NTRK3: variants seen among roughly 807,000 people sequenced by gnomAD.
The protein encoded by NTRK3 is NT-3 growth factor receptor.
In NTRK3, 24 loss-of-function variants were observed where a neutral mutation model predicts 91.7. That is an observed-to-expected ratio of 0.26 (90% CI 0.19 to 0.37). The LOEUF (loss-of-function observed/expected upper bound fraction) is 0.37. Ranked by LOEUF, NTRK3 falls within the 10% of genes least tolerant of loss-of-function variation. NTRK3 has a pLI of 1.00. For synonymous variants in NTRK3, 483 were observed against 404.0 expected (o/e 1.20, Z -2.34); for missense variants, 880 against 1,068.9 (o/e 0.82, Z 2.46).
intron 13 of NTRK3, among the ~76,000 whole-genome samples, chr15:88,070,916 G>A (rs1184979422): frequency 6.6e-6 from 1 of 152,148 alleles, no homozygotes; most frequent in African/African-American, 2.4e-5. Flanking sequence ...AGGAGGAGGA[G>A]AAGGAAGATT....
At chr15:87,937,915 G>C (rs1371721566) in intron 15 of NTRK3, among the ~76,000 whole-genome samples, 3 of 151,548 alleles carry the variant, frequency 2.0e-5, no homozygotes, top group Non-Finnish European at 4.4e-5. Context: ...AAGAATTCAT[G>C]AATCAGAAGA....
rs536321875 is a variant in NTRK3 at position 88,149,876 on chromosome 15, T to A, written c.396-2473A>T. 2.0e-5 allele frequency among the ~76,000 whole-genome samples: 3 copies of A among 152,370 alleles called. No homozygotes were observed. The East Asian group carries it at 5.8e-4, about 29-fold the overall frequency. ...AATCTAAGTGTTTGATTCATCTAGG[T>A]AGAAATCTTCTGTTTTGCTCTATTT... On this transcript the variant is annotated intron_variant, in intron 5 of 18. Coordinates refer to ENST00000394480, the Ensembl canonical transcript of NTRK3.
intron 13 of NTRK3, among the ~76,000 whole-genome samples, chr15:88,109,808 C>G (rs1384508889): frequency 6.6e-6 from 1 of 152,124 alleles, no homozygotes; most frequent in Admixed American, 6.5e-5. Flanking sequence ...CCATGCGATT[C>G]TACCATAAAA....
intron 14 of NTRK3, among the ~76,000 whole-genome samples, chr15:87,959,417 G>C (rs528031758): frequency 1.3e-5 from 2 of 152,096 alleles, no homozygotes; most frequent in African/African-American, 4.8e-5. Flanking sequence ...AACATCAAGC[G>C]AGAGCTGGAG....
chr15:88,177,233 A>T (rs2046083613), intron 5 of NTRK3, among the ~76,000 whole-genome samples: 1 of 152,188 alleles, frequency 6.6e-6, no homozygotes, highest in South Asian at 2.1e-4. Context: ...GTAACGCAAG[A>T]AGTAATTGGA....
chr15:88,089,855 T>A (rs1456699749), intron 13 of NTRK3, among the ~76,000 whole-genome samples: 1 of 152,076 alleles, frequency 6.6e-6, no homozygotes, highest in Non-Finnish European at 1.5e-5. Context: ...CTCCACAGTC[T>A]CCCCACCTGC....
rs185748219 is a variant in NTRK3, at chr15:88,117,282, A to G, written c.1396+8989T>C. Among the ~76,000 whole-genome samples the G allele has an allele frequency of 2.5e-3, 380 of 152,334 alleles. 1 individual carries two copies. The highest frequency in any genetic ancestry group is 4.3e-3 in the Non-Finnish European group (290 of 68,030). On this transcript the variant is annotated intron_variant, in intron 13 of 18. Coordinates refer to ENST00000394480, the Ensembl canonical transcript of NTRK3. ...CAGTTTTCTCATCTTTAAAGTGGGA[A>G]TAATAGCCACCTATGAAGTCTCTAT...
chr15:87,934,470 C>G (rs890119179), intron 15 of NTRK3, among the ~76,000 whole-genome samples: 1 of 152,128 alleles, frequency 6.6e-6, no homozygotes, highest in Admixed American at 6.5e-5. Context: ...ATGCAAGTGC[C>G]AAAATGTCTC....
chr15:88,089,847 C>T (rs572564538), intron 13 of NTRK3, among the ~76,000 whole-genome samples: 24 of 152,314 alleles, frequency 1.6e-4, no homozygotes, highest in African/African-American at 4.8e-4. Context: ...GTTACACCCT[C>T]CACAGTCTCC....
At chr15:88,152,317 A>AAAAC (rs1318216134) in intron 5 of NTRK3, among the ~76,000 whole-genome samples, 4 of 152,200 alleles carry the variant, frequency 2.6e-5, no homozygotes, top group African/African-American at 7.2e-5. Context: ...AAAACAAAAC[A>AAAAC]AAACAAACAA....
chr15:88,043,012 TTGTAAGAGA>T (rs2079803512), intron 13 of NTRK3, among the ~76,000 whole-genome samples: 1 of 152,196 alleles, frequency 6.6e-6, no homozygotes, highest in Non-Finnish European at 1.5e-5. Context: ...TGAAATTCAT[TTGTAAGAGA>T]ACTGGCTTTG....
At chr15:88,110,394 T>C (rs2051208675) in intron 13 of NTRK3, among the ~76,000 whole-genome samples, 1 of 152,152 alleles carries the variant, frequency 6.6e-6, no homozygotes, top group Non-Finnish European at 1.5e-5. Flanking sequence ...TCCCCCAGAA[T>C]ATCCCTGCCT....
At chr15:88,140,758 G>C (rs973637664) in intron 6 of NTRK3, among the ~76,000 whole-genome samples, 4 of 152,182 alleles carry the variant, frequency 2.6e-5, no homozygotes, top group African/African-American at 9.7e-5. Flanking sequence ...TATGAAAACA[G>C]ATTCTATTTC....
intron 13 of NTRK3, among the ~76,000 whole-genome samples, chr15:88,077,849 C>T (rs933875801): frequency 6.6e-6 from 1 of 152,198 alleles, no homozygotes; most frequent in Non-Finnish European, 1.5e-5. Flanking sequence ...CCTTCCCAGA[C>T]ACACAACTTA....
intron 14 of NTRK3, among the ~76,000 whole-genome samples, chr15:88,027,540 GC>G (rs1336577705): frequency 6.6e-6 from 1 of 152,062 alleles, no homozygotes; most frequent in Non-Finnish European, 1.5e-5. Context: ...CTGCCACCAT[GC>G]CCGGCTAATT....
intron 3 of NTRK3, among the ~76,000 whole-genome samples, chr15:88,254,208 C>T (rs1034072468): frequency 1.3e-5 from 2 of 152,130 alleles, no homozygotes; most frequent in African/African-American, 2.4e-5. Context: ...ACATCCACCC[C>T]CTACACACAT....
chr15:88,011,141 G>A (rs1309031025), intron 14 of NTRK3, among the ~76,000 whole-genome samples: 1 of 151,830 alleles, frequency 6.6e-6, no homozygotes, highest in Non-Finnish European at 1.5e-5. Flanking sequence ...ATCATGACTG[G>A]ATCCCACCCA....
chr15:88,119,249 C>T (rs1465854167), intron 13 of NTRK3, among the ~76,000 whole-genome samples: 1 of 152,202 alleles, frequency 6.6e-6, no homozygotes, highest in Non-Finnish European at 1.5e-5. Flanking sequence ...CTTCTCAAAG[C>T]TCCAAGCACC....
chr15:88,088,597 T>G (rs1057039906), intron 13 of NTRK3, among the ~76,000 whole-genome samples: 1 of 152,206 alleles, frequency 6.6e-6, no homozygotes, highest in Non-Finnish European at 1.5e-5. Context: ...AGCATATATA[T>G]TACCATTATC....
Sources: allele counts gnomAD v4.1 joint callset (sites outside exome capture counted in the v4.1 genomes callset), GRCh38; gene constraint gnomAD v4.1.1; transcripts MANE v1.5; gene names NCBI Gene and HGNC (gene_info 2026-07-23, HGNC 2026-07-21).